The following C6orf52 variants were observed in gnomAD, a reference collection of about 807,000 sequenced individuals.
C6orf52 encodes chromosome 6 open reading frame 52.
A neutral mutation model predicts 16.6 loss-of-function variants in C6orf52; 16 were observed. The observed-to-expected ratio is 0.96, with a 90% CI of 0.65 to 1.46. C6orf52 has a LOEUF of 1.46. Among genes scored for constraint, C6orf52 ranks in the 40% most tolerant of loss-of-function variants. C6orf52 has a pLI of 0.00. For missense variants in C6orf52, 166 were observed against 182.3 expected, an observed-to-expected ratio of 0.91 and a Z score of 0.52; for synonymous variants, 53 against 61.4, an observed-to-expected ratio of 0.86 and a Z score of 0.64.
chr6:10,693,765 G>T (rs544745335), intron 1 of C6orf52, among the ~76,000 whole-genome samples: 17 of 152,154 alleles, frequency 1.1e-4, no homozygotes, highest in African/African-American at 4.1e-4. Context: ...GGCCTGGCTC[G>T]TCCCCCAGAC....
intron 4 of C6orf52, among the ~76,000 whole-genome samples, chr6:10,674,280 A>C (rs1767677004): frequency 6.6e-6 from 1 of 152,196 alleles, no homozygotes; most frequent in Non-Finnish European, 1.5e-5. Context: ...ATTGGGAGTG[A>C]GGGTTTCAAC....
At position 10,687,473 on chromosome 6, in the gene C6orf52, C is replaced by T. The variant is rs140754690; in HGVS notation, c.71+7G>A. ...TTTCCTTTTCAAAGTAGGAGAAAAC[C>T]ACTCACCTTTGCCAGTAGCAGTAAT... On this transcript the variant is annotated splice_region_variant and intron_variant, in intron 2 of 4. Transcript: ENST00000259983. The T allele has an allele frequency of 3.3e-6, 5 of 1,537,110 alleles. No homozygotes were observed. Among genetic ancestry groups the T allele is most frequent in the African/African-American group, 2.8e-5 (2 of 72,016 alleles).
intron 3 of C6orf52, among the ~76,000 whole-genome samples, chr6:10,683,710 G>T (rs902650243): frequency 2.6e-5 from 4 of 152,198 alleles, no homozygotes; most frequent in Non-Finnish European, 4.4e-5. Flanking sequence ...TAAGAACCAG[G>T]ATATTAGGTG....
At position 10,687,133 on chromosome 6, in the gene C6orf52, A is replaced by G; in HGVS notation, c.103T>C (p.Phe35Leu). The change falls in exon 3 of 5, where the codon TTC becomes CTC. Residue 35 changes from phenylalanine to leucine, a missense_variant. Transcript: ENST00000259983. Reference sequence around the variant, plus strand: ...TAGCGGTAACTCTGGCTGGGCTGGAACTCCTGCTTCACTCTAATAGCAGAG... The same window carrying G: ...TAGCGGTAACTCTGGCTGGGCTGGAGCTCCTGCTTCACTCTAATAGCAGAG... ...LPSAIRVKQE[F>L]QPSQSYRYGN... 1.3e-6 allele frequency: 2 copies of G among 1,551,420 alleles called. No homozygotes were observed. Among genetic ancestry groups the G allele is most frequent in the South Asian group, 1.2e-5 (1 of 83,984 alleles).
chr6:10,683,847 G>C (rs1221861445), intron 3 of C6orf52, among the ~76,000 whole-genome samples: 1 of 152,194 alleles, frequency 6.6e-6, no homozygotes, highest in Non-Finnish European at 1.5e-5. Flanking sequence ...TGGCTCTACT[G>C]GGGCAGCATA....
chr6:10,674,692 G>C (rs1404469835), intron 4 of C6orf52: 5 of 149,650 alleles, frequency 3.3e-5, no homozygotes, highest in Admixed American at 3.3e-4. Flanking sequence ...AAGAAGCAAG[G>C]AAAGAGTAGA....
At chr6:10,688,032 T>C (rs1294431925) in intron 1 of C6orf52, among the ~76,000 whole-genome samples, 1 of 151,854 alleles carries the variant, frequency 6.6e-6, no homozygotes, top group Non-Finnish European at 1.5e-5. Flanking sequence ...TGCTGGCTTT[T>C]TCTTTTTTTA....
chr6:10,674,779 C>T (rs1767727445), intron 4 of C6orf52: 1 of 151,030 alleles, frequency 6.6e-6, no homozygotes, highest in Non-Finnish European at 1.5e-5. Context: ...TGTATTTCTT[C>T]ATTAACTATA....
intron 1 of C6orf52, among the ~76,000 whole-genome samples, chr6:10,693,485 G>A (rs1048392735): frequency 6.6e-6 from 1 of 152,120 alleles, no homozygotes; most frequent in Non-Finnish European, 1.5e-5. Context: ...CTATTAACAC[G>A]TACTAACAAT....
chr6:10,679,059 C>G (rs539991732), intron 4 of C6orf52, among the ~76,000 whole-genome samples: 40 of 152,122 alleles, frequency 2.6e-4, no homozygotes, highest in African/African-American at 9.4e-4. Context: ...CACCACTGCA[C>G]TCCAGCCTGG....
intron 3 of C6orf52, among the ~76,000 whole-genome samples, chr6:10,686,346 G>A (rs747536628): frequency 2.0e-5 from 3 of 152,114 alleles, no homozygotes; most frequent in Non-Finnish European, 4.4e-5. Context: ...AAGAGTACAG[G>A]AGAAAGATCT....
intron 1 of C6orf52, among the ~76,000 whole-genome samples, chr6:10,694,178 T>C (rs527668984): frequency 1.1e-4 from 17 of 148,862 alleles, no homozygotes; most frequent in South Asian, 6.3e-4. Context: ...GAGAATTGCT[T>C]GAACCCGGGA....
At position 10,683,224 on chromosome 6, in the gene C6orf52, T is replaced by A; in HGVS notation, c.279A>T (p.Thr93=). The A allele has an allele frequency of 6.5e-7, 1 of 1,543,026 alleles. No individual in the cohort carries two copies. The highest frequency in any genetic ancestry group is 8.8e-7 in the Non-Finnish European group (1 of 1,140,502). ...AGTLVMPKET[T]PLAENQDEDP... ...CTTCATCTTGGTTTTCAGCTAGAGG[T>A]GTGGTTTCCTGCAACAAAATATTAT... Residue 93 remains threonine (T), a synonymous_variant, in exon 4 of 5, where the codon ACA becomes ACT. Transcript: ENST00000259983.
chr6:10,673,978 A>T (rs778332784), intron 4 of C6orf52, among the ~76,000 whole-genome samples: 10 of 152,286 alleles, frequency 6.6e-5, no homozygotes, highest in South Asian at 4.2e-4. Flanking sequence ...TTGGGCTGCT[A>T]ACAACATATC....
intron 4 of C6orf52, among the ~76,000 whole-genome samples, chr6:10,682,715 T>G (rs1768506658): frequency 6.6e-6 from 1 of 152,198 alleles, no homozygotes; most frequent in South Asian, 2.1e-4. Context: ...TTCAGAGTGT[T>G]TGTCTCTAGG....
At chr6:10,691,403 G>C (rs1191215558) in intron 1 of C6orf52, among the ~76,000 whole-genome samples, 2 of 152,072 alleles carry the variant, frequency 1.3e-5, no homozygotes, top group Non-Finnish European at 2.9e-5. Context: ...GCAAGCGGGG[G>C]TACATGACTG....
chr6:10,682,920 G>A (rs1768530800), intron 4 of C6orf52, among the ~76,000 whole-genome samples: 1 of 152,168 alleles, frequency 6.6e-6, no homozygotes, highest in Non-Finnish European at 1.5e-5. Context: ...CAGAGGAAAT[G>A]GAGCTTAAGA....
chr6:10,687,401 A>C, intron 2 of C6orf52, 79 bp downstream of exon 2: 2 of 1,114,062 alleles, frequency 1.8e-6, no homozygotes, highest in South Asian at 2.9e-5. Flanking sequence ...AAAAAGCCAT[A>C]GTTTGTAAGT....
intron 4 of C6orf52, among the ~76,000 whole-genome samples, chr6:10,675,192 G>A (rs1449571208): frequency 6.6e-6 from 1 of 152,064 alleles, no homozygotes; most frequent in Non-Finnish European, 1.5e-5. Context: ...CTCTCTCCCT[G>A]CAACTACCCT....
Sources: gnomAD v4.1 joint callset for allele counts (sites outside exome capture counted in the v4.1 genomes callset) on GRCh38, gnomAD v4.1.1 for gene constraint, MANE v1.5 for transcripts, NCBI Gene and HGNC (gene_info 2026-07-23, HGNC 2026-07-21) for gene names.